The following TTC39C variants were observed in gnomAD, a reference collection of about 807,000 sequenced individuals.
The protein encoded by TTC39C is tetratricopeptide repeat domain 39C.
In TTC39C, 33 loss-of-function variants were observed where a neutral mutation model predicts 76.3. The ratio of observed to expected loss-of-function variants is 0.43; its 90% CI spans 0.33 to 0.58. TTC39C has a LOEUF of 0.58. Among genes scored for constraint, TTC39C ranks in the 20% least tolerant of loss-of-function variants. The pLI is 0.04. For synonymous variants in TTC39C, 254 were observed against 260.6 expected (o/e 0.97, Z 0.24); for missense variants, 595 against 701.4 (o/e 0.85, Z 1.71).
intron 1 of TTC39C, among the ~76,000 whole-genome samples, chr18:24,008,894 T>C (rs950967255): frequency 6.6e-6 from 1 of 152,206 alleles, no homozygotes; most frequent in Non-Finnish European, 1.5e-5. Context: ...ATCATGTCCT[T>C]TGCAGGGACA....
Position 24,092,102 on chromosome 18 carries a change from A to ATAAT in TTC39C, c.984+9021_984+9022insTAAT, listed in dbSNP as rs1568434498. On this transcript the variant is annotated intron_variant, in intron 6 of 13. Coordinates refer to ENST00000317571, the MANE Select transcript of TTC39C (RefSeq NM_001135993.2). ...AGTGAGACTCAGTCTCAAAAAAAAA[A>ATAAT]AAAAAAAAAAAAAAAAAAAAAAATA... 1.8e-3 allele frequency among the ~76,000 whole-genome samples: 221 copies of ATAAT among 122,228 alleles called. 2 individuals are homozygous for ATAAT. Among genetic ancestry groups the ATAAT allele is most frequent in the African/African-American group, 5.8e-3 (212 of 36,510 alleles). 80.2% of individuals were successfully genotyped at this position (122,228 alleles called of 152,430 possible). A position where few individuals can be genotyped will look rare whatever the true frequency, so the allele number is the denominator to read the frequency against.
At chr18:24,041,051 T>C (rs916293350) in intron 1 of TTC39C, among the ~76,000 whole-genome samples, 3 of 152,198 alleles carry the variant, frequency 2.0e-5, no homozygotes, top group Non-Finnish European at 2.9e-5. Flanking sequence ...GGGAAAAAAG[T>C]AGGGGATCTG....
At chr18:24,105,823 TC>T (rs1171266239) in intron 6 of TTC39C, among the ~76,000 whole-genome samples, 2 of 152,126 alleles carry the variant, frequency 1.3e-5, no homozygotes, top group African/African-American at 2.4e-5. Flanking sequence ...AAATGTATTG[TC>T]CCCCAGCTCT....
intron 4 of TTC39C, among the ~76,000 whole-genome samples, chr18:24,078,705 A>G (rs1302841504): frequency 6.6e-6 from 1 of 152,066 alleles, no homozygotes; most frequent in Non-Finnish European, 1.5e-5. Context: ...TAGAGACTTA[A>G]TGCCAGAGTT....
chr18:24,111,485 C>T (rs1323566106), intron 6 of TTC39C, among the ~76,000 whole-genome samples: 3 of 151,582 alleles, frequency 2.0e-5, no homozygotes, highest in Non-Finnish European at 4.4e-5. Flanking sequence ...AGGAGAATCG[C>T]TTGAACCCAG....
upstream of TTC39C, among the ~76,000 whole-genome samples, chr18:24,013,881 G>C (rs1599232811): frequency 6.6e-6 from 1 of 152,230 alleles, no homozygotes; most frequent in East Asian, 1.9e-4. Context: ...CTGACATTTG[G>C]TCATATGAAC....
chr18:24,008,472 A>T (rs1394444630), intron 1 of TTC39C, among the ~76,000 whole-genome samples: 1 of 152,202 alleles, frequency 6.6e-6, no homozygotes, highest in African/African-American at 2.4e-5. Context: ...TAAGCCCAGG[A>T]TTTTTAGTAG....
At chr18:24,122,306 C>T (rs1426932828) in intron 8 of TTC39C, among the ~76,000 whole-genome samples, 3 of 151,538 alleles carry the variant, frequency 2.0e-5, no homozygotes, top group Admixed American at 6.6e-5. Context: ...ATCACGAGTA[C>T]AAGAGGCCAA....
At chr18:24,132,093 A>C (rs2085138134) in intron 13 of TTC39C, among the ~76,000 whole-genome samples, 173 bp downstream of exon 13, 1 of 152,238 alleles carries the variant, frequency 6.6e-6, no homozygotes, top group African/African-American at 2.4e-5. Flanking sequence ...GGGACATTAC[A>C]AGATCATAAG....
At chr18:24,098,896 T>C (rs1359004165) in intron 6 of TTC39C, among the ~76,000 whole-genome samples, 1 of 151,902 alleles carries the variant, frequency 6.6e-6, no homozygotes, top group African/African-American at 2.4e-5. Context: ...CCTCCCAAAG[T>C]GCTGGGATTA....
intron 12 of TTC39C, among the ~76,000 whole-genome samples, chr18:24,130,649 A>G (rs1459988768): frequency 5.3e-5 from 8 of 152,086 alleles, no homozygotes; most frequent in East Asian, 1.9e-4. Context: ...ACATCTCTTA[A>G]TGACATGCTG....
chr18:24,130,923 C>T (rs1446995575), intron 12 of TTC39C, among the ~76,000 whole-genome samples: 1 of 141,566 alleles, frequency 7.1e-6, no homozygotes, highest in African/African-American at 2.6e-5. Context: ...GTGGCTCATG[C>T]CTGTAATCCC....
chr18:23,995,950 C>T (rs1363410973), intron 1 of TTC39C, among the ~76,000 whole-genome samples: 4 of 152,204 alleles, frequency 2.6e-5, no homozygotes, highest in East Asian at 3.9e-4. Flanking sequence ...GTTGTTGGAT[C>T]GTATGTTAAG....
chr18:24,011,547 G>A (rs747088621), upstream of TTC39C, among the ~76,000 whole-genome samples: 1 of 152,242 alleles, frequency 6.6e-6, no homozygotes, highest in Admixed American at 6.5e-5. Context: ...CAGGGATACA[G>A]CCTCATTTTG....
At position 24,069,282 on chromosome 18, in the gene TTC39C, G is replaced by A. The variant is rs771463449; in HGVS notation, c.460+11G>A. The stretch of plus-strand genomic sequence containing the variant: ...AACAAGAATTGTCAGGTATGCTGAA[G>A]CATTATTTTTAATGGTTTTCAGTAT... On this transcript the variant is annotated intron_variant, in intron 4 of 13. Transcript: ENST00000317571. The A allele has an allele frequency of 3.7e-6, 6 of 1,602,438 alleles. No homozygotes were observed. The East Asian group carries it at 6.7e-5, about 18-fold the overall frequency.
intron 6 of TTC39C, among the ~76,000 whole-genome samples, chr18:24,112,912 C>T (rs2084834012): frequency 6.6e-6 from 1 of 152,072 alleles, no homozygotes; most frequent in Non-Finnish European, 1.5e-5. Context: ...GTCTAGATAC[C>T]TCCACCTGCG....
chr18:24,033,382 C>T (rs2083696090), intron 1 of TTC39C, among the ~76,000 whole-genome samples: 1 of 152,174 alleles, frequency 6.6e-6, no homozygotes, highest in Non-Finnish European at 1.5e-5. Context: ...AGATTCTTGA[C>T]TTTGCTTTGC....
intron 1 of TTC39C, chr18:24,015,275 G>T: frequency 2.6e-6 from 1 of 389,560 alleles, no homozygotes; most frequent in East Asian, 4.1e-5. Flanking sequence ...CCGCGCGCCC[G>T]CCCCGCGCGC....
chr18:24,003,325 C>G (rs2083328029), intron 1 of TTC39C, among the ~76,000 whole-genome samples: 1 of 152,234 alleles, frequency 6.6e-6, no homozygotes, highest in Non-Finnish European at 1.5e-5. Context: ...TCCCAAAGCA[C>G]ACAGCGTATA....
Sources: gnomAD v4.1 joint callset for allele counts (sites outside exome capture counted in the v4.1 genomes callset) on GRCh38, gnomAD v4.1.1 for gene constraint, MANE v1.5 for transcripts, NCBI Gene and HGNC (gene_info 2026-07-23, HGNC 2026-07-21) for gene names.